GJD3: variants seen among roughly 807,000 people sequenced by gnomAD.
GJD3 encodes gap junction delta-3 protein.
For missense variants in GJD3, 421 were observed against 448.5 expected, an observed-to-expected ratio of 0.94 and a Z score of 0.55; for synonymous variants, 217 against 226.7, an observed-to-expected ratio of 0.96 and a Z score of 0.38.
In GJD3 at chr17:40,363,746, G is replaced by T. The variant is rs1482150729; in HGVS notation, c.70C>A (p.Leu24Ile). Reference sequence around the variant, plus strand: ...AAGATCAGCATGACCACCAGCCAGAGGCGGCCCACGAGCGGCGACTGCAGC... The same window carrying T: ...AAGATCAGCATGACCACCAGCCAGATGCGGCCCACGAGCGGCGACTGCAGC... ...VQLQSPLVGR[L>I]WLVVMLIFRI... The change falls in exon 1 of 1, where the codon CTC (leucine) becomes ATC (isoleucine). Residue 24 changes from leucine (L) to isoleucine (I), a missense_variant. Leu to Ile is a conservative substitution (Grantham distance 5). Coordinates refer to ENST00000578689, the MANE Select transcript of GJD3 (RefSeq NM_152219.4). This position sits in a 1 kb window ranked among gnomAD's most constrained non-coding sequence, Gnocchi z 5.5. 3 of 1,609,706 alleles carry T rather than the reference G, an allele frequency of 1.9e-6. No individual in the cohort carries two copies. In the South Asian group the frequency reaches 3.3e-5, roughly 18 times the overall value.
At position 40,362,476 on chromosome 17, in the gene GJD3, A is replaced by C. The variant is rs1039152531; in HGVS notation, c.*455T>G. Among the ~76,000 whole-genome samples, 2 of 152,188 alleles carry C rather than the reference A, an allele frequency of 1.3e-5. No individual in the cohort carries two copies. Among genetic ancestry groups the C allele is most frequent in the Non-Finnish European group, 2.9e-5 (2 of 68,020 alleles). ...GTACAGGTGCGCGTGCACACAGCTCACAGTGCTTATGTGTCCGTGTATGCA... is the reference window on the plus strand; with the variant it reads ...GTACAGGTGCGCGTGCACACAGCTCCCAGTGCTTATGTGTCCGTGTATGCA... On this transcript the variant is annotated 3_prime_UTR_variant, in exon 1 of 1. Coordinates refer to ENST00000578689, the MANE Select transcript of GJD3 (RefSeq NM_152219.4).
Position 40,363,804 on chromosome 17 carries a change from C to A in GJD3, c.12G>T (p.Trp4Cys). 1 of 1,604,262 alleles carries A rather than the reference C, an allele frequency of 6.2e-7. No homozygotes were observed. The highest frequency in any genetic ancestry group is 1.7e-5 in the Admixed American group (1 of 59,332). Residue 4 changes from tryptophan (W) to cysteine (C), a missense_variant, in exon 1 of 1, where the codon TGG becomes TGT. Transcript: ENST00000578689. The surrounding 1 kb of genome is among the most constrained non-coding windows in gnomAD (Gnocchi z 5.5). MGE[W>C]AFLGSLLDAV... ...CGTCCAGCAGCGAGCCCAGGAACGCCCACTCCCCCATGGCGCTGGGGACGC... is the reference window on the plus strand; with the variant it reads ...CGTCCAGCAGCGAGCCCAGGAACGCACACTCCCCCATGGCGCTGGGGACGC...
chr17:40,361,444 A>C lies in GJD3; in HGVS notation c.*1487T>G, dbSNP rs2034751181. Among the ~76,000 whole-genome samples, 1 of 152,216 alleles carries C rather than the reference A, an allele frequency of 6.6e-6. No individual in the cohort carries two copies. Among genetic ancestry groups the C allele is most frequent in the Non-Finnish European group, 1.5e-5 (1 of 68,044 alleles). On this transcript the variant is annotated 3_prime_UTR_variant, in exon 1 of 1. Coordinates refer to ENST00000578689, the MANE Select transcript of GJD3 (RefSeq NM_152219.4). ...CACCTCCCACTGCTGTGTGGGGCAC[A>C]GGAGAGCTGAGAAAGACGCCAGGAA...
In GJD3 at chr17:40,362,959, G is replaced by A. The variant is rs953397303; in HGVS notation, c.857C>T (p.Ala286Val). Residue 286 changes from alanine (A) to valine (V), a missense_variant, in exon 1 of 1, where the codon GCC becomes GTC. Coordinates refer to ENST00000578689, the MANE Select transcript of GJD3 (RefSeq NM_152219.4). ...GATGGCCAGATCTCGGCGGCCGGTG[G>A]CCGGTGACGCCTTGCCGCGGCCGCT... The part of the protein sequence containing the change: ...CGSGRGKASP[A>V]TGRRDLAI 1.6e-6 allele frequency: 2 copies of A among 1,244,362 alleles called. No individual in the cohort carries two copies. Among genetic ancestry groups the A allele is most frequent in the Non-Finnish European group, 2.0e-6 (2 of 991,896 alleles). 77.1% of individuals were successfully genotyped at this position (1,244,362 alleles called of 1,614,324 possible).
At position 40,361,996 on chromosome 17, in the gene GJD3, C is replaced by T. The variant is rs1053078464; in HGVS notation, c.*935G>A. 6.6e-6 allele frequency among the ~76,000 whole-genome samples: 1 copy of T among 152,060 alleles called. No individual in the cohort carries two copies. Among genetic ancestry groups the T allele is most frequent in the Non-Finnish European group, 1.5e-5 (1 of 67,992 alleles). ...CCTGCCCGGGGAAAGGGAGCCTCTC[C>T]TCCTCTTCCCTCCCTGGGCGGGGTC... On this transcript the variant is annotated 3_prime_UTR_variant, in exon 1 of 1. Coordinates refer to ENST00000578689, the MANE Select transcript of GJD3 (RefSeq NM_152219.4).
chr17:40,361,910 C>T lies in GJD3; in HGVS notation c.*1021G>A, dbSNP rs2034755264. On this transcript the variant is annotated 3_prime_UTR_variant, in exon 1 of 1. Transcript: ENST00000578689. The stretch of plus-strand genomic sequence containing the variant: ...ACCCCACCTCCATGAAAGCGCCCAG[C>T]CCCCGCCTCGCCACAAGGGGTACTG... 1.3e-5 allele frequency among the ~76,000 whole-genome samples: 2 copies of T among 150,440 alleles called. No homozygotes were observed. Among genetic ancestry groups the T allele is most frequent in the African/African-American group, 4.9e-5 (2 of 40,726 alleles).
Position 40,362,557 on chromosome 17 carries a change from G to A in GJD3, c.*374C>T, listed in dbSNP as rs1233865060. Among the ~76,000 whole-genome samples the A allele has an allele frequency of 6.6e-6, 1 of 152,214 alleles. No homozygotes were observed. The highest frequency in any genetic ancestry group is 1.5e-5 in the Non-Finnish European group (1 of 68,010). ...CTCTCTCTGAACACAGAGAGTGCCT[G>A]AGAATGCTGGCATCACAGTTGTTTT... On this transcript the variant is annotated 3_prime_UTR_variant, in exon 1 of 1. Coordinates refer to ENST00000578689, the MANE Select transcript of GJD3 (RefSeq NM_152219.4).
At position 40,363,190 on chromosome 17, in the gene GJD3, AG is replaced by A; in HGVS notation, c.625del (p.Leu209TrpfsTer207). 6.9e-7 allele frequency: 1 copy of A among 1,445,924 alleles called. No individual in the cohort carries two copies. The highest frequency in any genetic ancestry group is 9.1e-7 in the Non-Finnish European group (1 of 1,097,986). 89.6% of individuals were successfully genotyped at this position (1,445,924 alleles called of 1,614,324 possible). A position where few individuals can be genotyped will look rare whatever the true frequency, so the allele number is the denominator to read the frequency against. On this transcript the variant is annotated frameshift_variant, in exon 1 of 1. Coordinates refer to ENST00000578689, the MANE Select transcript of GJD3 (RefSeq NM_152219.4). LOFTEE classifies it low-confidence loss of function (END_TRUNC). This position sits in a 1 kb window ranked among gnomAD's most constrained non-coding sequence, Gnocchi z 5.5. ...GCGGCCCTTCCAGAGCAGGTGGCCC[AG>A]CTCGGCTACGCTGAGCAGCGCCGAC... ...LLSALLSVAE[L>X]GHLLWKGRPR...
In GJD3 at chr17:40,363,755, C is replaced by A. The variant is rs376380005; in HGVS notation, c.61G>T (p.Val21Leu). The A allele has an allele frequency of 1.9e-6, 3 of 1,609,204 alleles. No homozygotes were observed. The highest frequency in any genetic ancestry group is 3.3e-5 in the Admixed American group (2 of 59,802). Residue 21 changes from valine to leucine, a missense_variant, in exon 1 of 1, where the codon GTG becomes TTG. By Grantham distance (32) the Val-to-Leu change is conservative (BLOSUM62 1). Coordinates refer to ENST00000578689, the MANE Select transcript of GJD3 (RefSeq NM_152219.4). The surrounding 1 kb of genome is among the most constrained non-coding windows in gnomAD (Gnocchi z 5.5). Reference protein sequence around the residue: ...LDAVQLQSPLVGRLWLVVMLI... With the variant: ...LDAVQLQSPLLGRLWLVVMLI... The stretch of plus-strand genomic sequence containing the variant: ...ATGACCACCAGCCAGAGGCGGCCCA[C>A]GAGCGGCGACTGCAGCTGCACGGCG...
In GJD3 at chr17:40,363,865, C is replaced by A. The variant is rs1457451096; in HGVS notation, c.-50G>T. The A allele has an allele frequency of 6.6e-7, 1 of 1,516,024 alleles. No individual in the cohort carries two copies. Among genetic ancestry groups the A allele is most frequent in the Non-Finnish European group, 8.8e-7 (1 of 1,130,028 alleles). 93.9% of individuals were successfully genotyped at this position (1,516,024 alleles called of 1,614,324 possible). On this transcript the variant is annotated 5_prime_UTR_variant, in exon 1 of 1. Transcript: ENST00000578689. The surrounding 1 kb of genome is among the most constrained non-coding windows in gnomAD (Gnocchi z 5.5). ...GTCAGGGGATGGGGCAAGTCAGGGA[C>A]CCCTGCCCCTTCCAAGCCTATCGGG...
In GJD3 at chr17:40,363,760, G is replaced by T. The variant is rs1314209773; in HGVS notation, c.56C>A (p.Pro19Gln). The change falls in exon 1 of 1, where the codon CCG becomes CAG. Residue 19 changes from proline (P) to glutamine (Q), a missense_variant. Coordinates refer to ENST00000578689, the MANE Select transcript of GJD3 (RefSeq NM_152219.4). This position sits in a 1 kb window ranked among gnomAD's most constrained non-coding sequence, Gnocchi z 5.5. ...CACCAGCCAGAGGCGGCCCACGAGC[G>T]GCGACTGCAGCTGCACGGCGTCCAG... ...SLLDAVQLQS[P>Q]LVGRLWLVVM... 3 of 1,609,144 alleles carry T rather than the reference G, an allele frequency of 1.9e-6. No homozygotes were observed. The highest frequency in any genetic ancestry group is 3.3e-5 in the Admixed American group (2 of 59,794).
rs2034762493 is a variant in GJD3, at chr17:40,362,669, T to A, written c.*262A>T. Among the ~76,000 whole-genome samples, 1 of 152,232 alleles carries A rather than the reference T, an allele frequency of 6.6e-6. No homozygotes were observed. Among genetic ancestry groups the A allele is most frequent in the Non-Finnish European group, 1.5e-5 (1 of 68,024 alleles). Reference sequence around the variant, plus strand: ...CTCTCAGGGTCCTGGTCTCCTTCCTTTCCACCTGGGTGGTGGCATCCAGGA... The same window carrying A: ...CTCTCAGGGTCCTGGTCTCCTTCCTATCCACCTGGGTGGTGGCATCCAGGA... On this transcript the variant is annotated 3_prime_UTR_variant, in exon 1 of 1. Transcript: ENST00000578689.
At position 40,363,494 on chromosome 17, in the gene GJD3, C is replaced by G. The variant is rs200376149; in HGVS notation, c.322G>C (p.Glu108Gln). 1.8e-3 allele frequency: 2,826 copies of G among 1,545,148 alleles called. 4 individuals are homozygous for G. The highest frequency in any genetic ancestry group is 2.4e-3 in the Non-Finnish European group (2,706 of 1,146,364). ...HRAGKEAGGA[E>Q]AAAQCAPGLP... Reference sequence around the variant, plus strand: ...CCGGGGGCGCACTGCGCCGCCGCCTCAGCGCCGCCCGCCTCCTTGCCTGCC... The same window carrying G: ...CCGGGGGCGCACTGCGCCGCCGCCTGAGCGCCGCCCGCCTCCTTGCCTGCC... The change falls in exon 1 of 1, where the codon GAG (glutamate) becomes CAG (glutamine). Residue 108 changes from glutamate (E) to glutamine (Q), a missense_variant. Physicochemically the swap from Glu to Gln is conservative, Grantham distance 29. Coordinates refer to ENST00000578689, the MANE Select transcript of GJD3 (RefSeq NM_152219.4). This position sits in a 1 kb window ranked among gnomAD's most constrained non-coding sequence, Gnocchi z 5.5.
Position 40,363,951 on chromosome 17 carries a change from T to A in GJD3, c.-136A>T, listed in dbSNP as rs1012667282. The A allele has an allele frequency of 2.4e-6, 3 of 1,231,630 alleles. No homozygotes were observed. The highest frequency in any genetic ancestry group is 3.1e-5 in the African/African-American group (2 of 65,558). The allele number at this position is 1,231,630 out of a possible 1,614,324, so 76.3% of individuals were successfully genotyped here. ...AGTCGTGAGGTAGGAGAGGCCCGGG[T>A]TTAGCGATGAGACCAGTATGAAACG... is the stretch of plus-strand genomic sequence containing the variant. On this transcript the variant is annotated 5_prime_UTR_variant, in exon 1 of 1. Transcript: ENST00000578689. This position sits in a 1 kb window ranked among gnomAD's most constrained non-coding sequence, Gnocchi z 5.5.
Position 40,363,473 on chromosome 17 carries a change from G to A in GJD3, c.343C>T (p.Pro115Ser), listed in dbSNP as rs1598597629. 3.3e-6 allele frequency: 5 copies of A among 1,532,368 alleles called. No individual in the cohort carries two copies. The highest frequency in any genetic ancestry group is 3.5e-6 in the Non-Finnish European group (4 of 1,141,352). The allele number at this position is 1,532,368 out of a possible 1,614,324, so 94.9% of individuals were successfully genotyped here. The change falls in exon 1 of 1, where the codon CCC (proline) becomes TCC (serine). Residue 115 changes from proline (P) to serine (S), a missense_variant. By Grantham distance (74) the Pro-to-Ser change is moderately conservative. Transcript: ENST00000578689. This position sits in a 1 kb window ranked among gnomAD's most constrained non-coding sequence, Gnocchi z 5.5. ...GGAEAAAQCA[P>S]GLPEAQCAPC... ...GCGCACTGGGCCTCGGGCAGTCCGGGGGCGCACTGCGCCGCCGCCTCAGCG... is the reference window on the plus strand; with the variant it reads ...GCGCACTGGGCCTCGGGCAGTCCGGAGGCGCACTGCGCCGCCGCCTCAGCG...
chr17:40,363,072 CGGTGGCGGA>C lies in GJD3; in HGVS notation c.735_743del (p.Pro246_Pro248del), dbSNP rs1331620894. 7.9e-7 allele frequency: 1 copy of C among 1,260,808 alleles called. No individual in the cohort carries two copies. Among genetic ancestry groups the C allele is most frequent in the African/African-American group, 1.5e-5 (1 of 64,548 alleles). The allele number at this position is 1,260,808 out of a possible 1,614,324, so 78.1% of individuals were successfully genotyped here. ...GGCCGGGGCGCCGGGAGGGCAGGGC[CGGTGGCGGA>C]GGTGGCGGCGGCGGCGGCGGGAGCA... is the stretch of plus-strand genomic sequence containing the variant. On this transcript the variant is annotated inframe_deletion, in exon 1 of 1. Transcript: ENST00000578689. This position sits in a 1 kb window ranked among gnomAD's most constrained non-coding sequence, Gnocchi z 5.5.
At position 40,363,413 on chromosome 17, in the gene GJD3, A is replaced by AGCGGCGCGCGCGGCGGGCGCGCAGGGCGC. The variant is rs1567772767; in HGVS notation, c.374_402dup (p.Cys135AlafsTer14). The AGCGGCGCGCGCGGCGGGCGCGCAGGGCGC allele has an allele frequency of 1.2e-5, 16 of 1,318,174 alleles. No homozygotes were observed. In the African/African-American group the frequency reaches 1.5e-4, roughly 13 times the overall value. 81.7% of individuals were successfully genotyped at this position (1,318,174 alleles called of 1,614,324 possible). ...CGCAGCGCCACGCTCAGCAGGTAGC[A>AGCGGCGCGCGCGGCGGGCGCGCAGGGCGC]GCGGCGCGCGCGGCGGGCGCGCAGG... is the stretch of plus-strand genomic sequence containing the variant. On this transcript the variant is annotated frameshift_variant, in exon 1 of 1. Coordinates refer to ENST00000578689, the MANE Select transcript of GJD3 (RefSeq NM_152219.4). LOFTEE classifies it low-confidence loss of function (END_TRUNC). The surrounding 1 kb of genome is among the most constrained non-coding windows in gnomAD (Gnocchi z 5.5).
rs966016613 is a variant in GJD3, at chr17:40,362,717, C to T, written c.*214G>A. Among the ~76,000 whole-genome samples, 9 of 152,252 alleles carry T rather than the reference C, an allele frequency of 5.9e-5. No individual in the cohort carries two copies. The highest frequency in any genetic ancestry group is 5.2e-4 in the Admixed American group (8 of 15,292). The stretch of plus-strand genomic sequence containing the variant: ...GGACCTGCCTGAGTTCATTCTCCGC[C>T]CCCAGCCCGGCCTGCCCCAGGTGCC... On this transcript the variant is annotated 3_prime_UTR_variant, in exon 1 of 1. Coordinates refer to ENST00000578689, the MANE Select transcript of GJD3 (RefSeq NM_152219.4).
Position 40,363,056 on chromosome 17 carries a change from G to T in GJD3, c.760C>A (p.Arg254Ser), listed in dbSNP as rs1232149746. The part of the protein sequence containing the change: ...PPPPPALPSR[R>S]PGPEPCAPPA... Reference sequence around the variant, plus strand: ...GGGGCGCACGGCTCGGGGCCGGGGCGCCGGGAGGGCAGGGCCGGTGGCGGA... The same window carrying T: ...GGGGCGCACGGCTCGGGGCCGGGGCTCCGGGAGGGCAGGGCCGGTGGCGGA... The change falls in exon 1 of 1, where the codon CGC becomes AGC. Residue 254 changes from arginine (R) to serine (S), a missense_variant. Coordinates refer to ENST00000578689, the MANE Select transcript of GJD3 (RefSeq NM_152219.4). The surrounding 1 kb of genome is among the most constrained non-coding windows in gnomAD (Gnocchi z 5.5). 2.4e-6 allele frequency: 3 copies of T among 1,229,804 alleles called. No individual in the cohort carries two copies. The East Asian group carries it at 9.7e-5, about 40-fold the overall frequency. The allele number at this position is 1,229,804 out of a possible 1,614,324, so 76.2% of individuals were successfully genotyped here. A position where few individuals can be genotyped will look rare whatever the true frequency, so the allele number is the denominator to read the frequency against.
Sources: allele counts gnomAD v4.1 joint callset (sites outside exome capture counted in the v4.1 genomes callset), GRCh38; gene constraint gnomAD v4.1.1; non-coding constraint Gnocchi (gnomAD v3.1); transcripts MANE v1.5; gene names NCBI Gene and HGNC (gene_info 2026-07-23, HGNC 2026-07-21).